Variants in IRF6 observed in about 807,000 individuals in gnomAD.
The protein encoded by IRF6 is interferon regulatory factor 6.
IRF6 carries 6 observed loss-of-function variants against 51.4 expected under a neutral mutation model. The observed-to-expected ratio is 0.12, with a 90% CI of 0.06 to 0.23. IRF6 has a LOEUF of 0.23. IRF6 is among the 10% of genes least tolerant of loss of function. The pLI, the probability that IRF6 is intolerant of heterozygous loss-of-function variation, is 1.00. For missense variants in IRF6, 348 were observed against 585.2 expected (o/e 0.59, Z 4.18); for synonymous variants, 178 against 215.7 (o/e 0.83, Z 1.53).
At chr1:209,805,653 G>C (rs1297916421) in intron 1 of IRF6, among the ~76,000 whole-genome samples, 1 of 152,202 alleles carries the variant, frequency 6.6e-6, no homozygotes, top group African/African-American at 2.4e-5. Context: ...TAGCTCTACC[G>C]GATAGTGGGG....
chr1:209,797,276 A>G (rs921910792), intron 3 of IRF6, among the ~76,000 whole-genome samples: 2 of 143,902 alleles, frequency 1.4e-5, no homozygotes, highest in Non-Finnish European at 3.0e-5. Context: ...AGGCTGAGGC[A>G]GGAGAATCAC....
intron 1 of IRF6, 91 bp from the exon 2 acceptor site, chr1:209,802,134 G>A (rs540599278): frequency 2.9e-4 from 44 of 152,358 alleles, no homozygotes; most frequent in African/African-American, 1.0e-3. Context: ...GACAAAGGCT[G>A]AGAACACGTC....
chr1:209,789,573 G>A lies in IRF6; in HGVS notation c.1179+94C>T, dbSNP rs1571978840. The A allele has an allele frequency of 8.0e-6, 7 of 877,998 alleles. No homozygotes were observed. In the East Asian group the frequency reaches 1.7e-4, roughly 21 times the overall value. The allele number at this position is 877,998 out of a possible 1,614,324, so 54.4% of individuals were successfully genotyped here. A position where few individuals can be genotyped will look rare whatever the true frequency, so the allele number is the denominator to read the frequency against. The stretch of plus-strand genomic sequence containing the variant: ...TCTGATGAGACTGAAACCTACATGG[G>A]CTGATGGATGCTTGATGAGGGCTCA... On this transcript the variant is annotated intron_variant, in intron 8 of 8. Transcript: ENST00000367021.
chr1:209,802,380 A>G (rs553044667), intron 1 of IRF6, among the ~76,000 whole-genome samples: 9 of 152,342 alleles, frequency 5.9e-5, no homozygotes, highest in African/African-American at 1.9e-4. Flanking sequence ...ATAGCAGATA[A>G]CATTCAAGAG....
chr1:209,805,308 G>A (rs1188466915), intron 1 of IRF6, among the ~76,000 whole-genome samples: 2 of 152,082 alleles, frequency 1.3e-5, no homozygotes, highest in Non-Finnish European at 2.9e-5. Context: ...TCAGGCCTGG[G>A]AGACTTTCCC....
At chr1:209,801,047 G>A (rs1002531085) in intron 3 of IRF6, among the ~76,000 whole-genome samples, 193 bp downstream of exon 3, 1 of 152,078 alleles carries the variant, frequency 6.6e-6, no homozygotes, top group Non-Finnish European at 1.5e-5. Flanking sequence ...TCAATGAGTG[G>A]GAAAGAATAA....
chr1:209,793,224 T>C (rs1030356995), intron 5 of IRF6: 4 of 152,292 alleles, frequency 2.6e-5, no homozygotes, highest in African/African-American at 9.6e-5. Context: ...CCCTTTTTTT[T>C]AGATCATGTC....
intron 4 of IRF6, among the ~76,000 whole-genome samples, chr1:209,795,678 T>G (rs1365215959): frequency 6.6e-6 from 1 of 152,232 alleles, no homozygotes; most frequent in African/African-American, 2.4e-5. Flanking sequence ...ATTGGAGGGA[T>G]CAGGAGATAT....
intron 1 of IRF6, among the ~76,000 whole-genome samples, 198 bp downstream of exon 1, chr1:209,805,749 C>T (rs1022580412): frequency 3.0e-4 from 44 of 148,140 alleles, no homozygotes; most frequent in African/African-American, 1.1e-3. Context: ...AGGGGCCTAG[C>T]GCTACAGAAC....
intron 7 of IRF6, 61 bp from the exon 8 acceptor site, chr1:209,789,846 A>G (rs1296435597): frequency 2.7e-6 from 3 of 1,095,082 alleles, no homozygotes; most frequent in Non-Finnish European, 2.8e-6. Flanking sequence ...CTCAACAAAT[A>G]CCATCTTTTA....
In IRF6 at chr1:209,792,347, G is replaced by C; in HGVS notation, c.589C>G (p.Pro197Ala). ...SPEAVWPKTEPLEMEVPQAPI... is the reference protein window; with the variant it reads ...SPEAVWPKTEALEMEVPQAPI... ...GCCTGGGGTACTTCCATCTCCAGGG[G>C]TTCAGTTTTGGGCCACACTGCCTCC... Residue 197 changes from proline (P) to alanine (A), a missense_variant, in exon 6 of 9, where the codon CCC becomes GCC. Pro to Ala is a conservative substitution (Grantham distance 27, BLOSUM62 -1). Coordinates refer to ENST00000367021, the MANE Select transcript of IRF6 (RefSeq NM_006147.4). 6.2e-7 allele frequency: 1 copy of C among 1,614,160 alleles called. No homozygotes were observed. Among genetic ancestry groups the C allele is most frequent in the Non-Finnish European group, 8.5e-7 (1 of 1,179,984 alleles).
chr1:209,800,848 T>C (rs528538059), intron 3 of IRF6, among the ~76,000 whole-genome samples: 10 of 152,332 alleles, frequency 6.6e-5, no homozygotes, highest in African/African-American at 2.4e-4. Context: ...CACCTGATAG[T>C]TCTGTCCTGG....
intron 5 of IRF6, chr1:209,792,787 G>A (rs1036734450): frequency 9.6e-6 from 3 of 312,776 alleles, no homozygotes; most frequent in South Asian, 3.6e-5. Context: ...TCCATAAAAC[G>A]AACTCAGCTA....
intron 7 of IRF6, 56 bp from the exon 8 acceptor site, chr1:209,789,841 C>A: frequency 1.8e-6 from 2 of 1,129,480 alleles, no homozygotes; most frequent in Non-Finnish European, 2.7e-6. Flanking sequence ...ATCCACTCAA[C>A]AAATACCATC....
rs763754100 is a variant in IRF6 at position 209,792,414 on chromosome 1, C to T, written c.522G>A (p.Ala174=). ...CACTGCAATTGCCCACACTGGCTGG[C>T]GCCATGGGAGAACCTAAAACAAAAG... is the stretch of plus-strand genomic sequence containing the variant. ...PFLNINGSPM[A]PASVGNCSVG... is the part of the protein sequence containing the mutation. Residue 174 remains alanine, a synonymous_variant, in exon 6 of 9, where the codon GCG becomes GCA. Transcript: ENST00000367021. 17 of 1,614,068 alleles carry T rather than the reference C, an allele frequency of 1.1e-5. No homozygotes were observed. The highest frequency in any genetic ancestry group is 1.7e-5 in the Admixed American group (1 of 60,028).
chr1:209,794,475 A>C (rs1474749578), intron 5 of IRF6, among the ~76,000 whole-genome samples: 1 of 152,226 alleles, frequency 6.6e-6, no homozygotes, highest in African/African-American at 2.4e-5. Context: ...CCTACGGTAG[A>C]GTACCTGAAA....
At position 209,790,298 on chromosome 1, in the gene IRF6, T is replaced by C. The variant is rs1571979338; in HGVS notation, c.1060+197A>G. ...AGCTTCCAAGTACATAGCTTTGGAG[T>C]GAAACTCCCTTCTTTGTTGCCTAGG... On this transcript the variant is annotated intron_variant, in intron 7 of 8. Transcript: ENST00000367021. This position sits in a 1 kb window ranked among gnomAD's most constrained non-coding sequence, Gnocchi z 4.8. 6.6e-6 allele frequency among the ~76,000 whole-genome samples: 1 copy of C among 152,242 alleles called. No homozygotes were observed. Among genetic ancestry groups the C allele is most frequent in the Middle Eastern group, 3.4e-3 (1 of 294 alleles).
intron 1 of IRF6, among the ~76,000 whole-genome samples, chr1:209,804,991 G>T (rs1397193430): frequency 6.6e-6 from 1 of 152,146 alleles, no homozygotes; most frequent in East Asian, 1.9e-4. Flanking sequence ...GGGGTAAACT[G>T]CAGGCCTCTA....
intron 3 of IRF6, among the ~76,000 whole-genome samples, 180 bp downstream of exon 3, chr1:209,801,060 G>A (rs1428667838): frequency 2.6e-5 from 4 of 151,990 alleles, no homozygotes; most frequent in Non-Finnish European, 2.9e-5. Flanking sequence ...AAGAATAAAC[G>A]GCTTCAACCA....
Sources: gnomAD v4.1 joint callset for allele counts (sites outside exome capture counted in the v4.1 genomes callset) on GRCh38, gnomAD v4.1.1 for gene constraint, Gnocchi (gnomAD v3.1) non-coding constraint, MANE v1.5 for transcripts, NCBI Gene and HGNC (gene_info 2026-07-23, HGNC 2026-07-21) for gene names.